HLCS: variants seen among roughly 807,000 people sequenced by gnomAD.
HLCS encodes holocarboxylase synthetase, also known as biotin--protein ligase.
In HLCS, 53 loss-of-function variants were observed where a neutral mutation model predicts 75.0. The observed-to-expected ratio is 0.71, with a 90% CI of 0.57 to 0.89. The LOEUF (loss-of-function observed/expected upper bound fraction) is 0.89, where lower values mean the gene tolerates loss of function less well. Among genes scored for constraint, HLCS ranks in the 40% least tolerant of loss-of-function variants. The pLI is 0.00. For synonymous variants in HLCS, 431 were observed against 428.6 expected, an observed-to-expected ratio of 1.01 and a Z score of -0.07; for missense variants, 966 against 1,074.0, an observed-to-expected ratio of 0.90 and a Z score of 1.41.
chr21:36,758,019 C>T (rs1004391492), intron 9 of HLCS, among the ~76,000 whole-genome samples: 1 of 152,174 alleles, frequency 6.6e-6, no homozygotes, highest in Admixed American at 6.5e-5. Flanking sequence ...AAGTCAGAGA[C>T]CCCATCCTAT....
intron 6 of HLCS, among the ~76,000 whole-genome samples, chr21:36,796,652 C>T (rs2061033652): frequency 6.6e-6 from 1 of 152,178 alleles, no homozygotes; most frequent in South Asian, 2.1e-4. Context: ...CTCTACCAAA[C>T]ATTATCGGGG....
intron 1 of HLCS, among the ~76,000 whole-genome samples, chr21:36,962,995 A>C (rs1258735526): frequency 6.6e-6 from 1 of 152,098 alleles, no homozygotes; most frequent in Non-Finnish European, 1.5e-5. Context: ...GAAGTGTGCA[A>C]GTCTCTGGAT....
intron 6 of HLCS, among the ~76,000 whole-genome samples, chr21:36,818,188 G>T (rs1435648521): frequency 2.0e-5 from 3 of 152,152 alleles, no homozygotes; most frequent in African/African-American, 4.8e-5. Context: ...TGAGGGGGGC[G>T]GCCAGAAGGA....
chr21:36,866,205 G>T (rs1462310580), intron 6 of HLCS, among the ~76,000 whole-genome samples: 1 of 42,138 alleles, frequency 2.4e-5, no homozygotes, highest in South Asian at 1.2e-3. Context: ...GGGCAGAGGT[G>T]GGGGAAGGGA....
At position 36,754,105 on chromosome 21, in the gene HLCS, C is replaced by T; in HGVS notation, c.*141G>A. 1 of 954,930 alleles carries T rather than the reference C, an allele frequency of 1.0e-6. No homozygotes were observed. The allele number at this position is 954,930 out of a possible 1,614,324, so 59.2% of individuals were successfully genotyped here. ...CCAAAGAAAACGACAACAAAACAAA[C>T]CTAAAAACAAACAGAAACACAGAAA... On this transcript the variant is annotated 3_prime_UTR_variant, in exon 11 of 11. Coordinates refer to ENST00000674895, the MANE Select transcript of HLCS (RefSeq NM_001352514.2).
intron 6 of HLCS, among the ~76,000 whole-genome samples, chr21:36,792,251 C>T (rs536056324): frequency 5.1e-4 from 77 of 152,184 alleles, no homozygotes; most frequent in Non-Finnish European, 9.0e-4. Flanking sequence ...GACCGTCAGC[C>T]TTTTCTTCTG....
At chr21:36,921,511 T>C (rs985994729) in intron 5 of HLCS, among the ~76,000 whole-genome samples, 1 of 152,218 alleles carries the variant, frequency 6.6e-6, no homozygotes, top group Non-Finnish European at 1.5e-5. Context: ...CCTTAATGCA[T>C]GTAGGAGGCA....
At chr21:36,846,593 TA>T (rs1381114333) in intron 6 of HLCS, among the ~76,000 whole-genome samples, 1 of 152,256 alleles carries the variant, frequency 6.6e-6, no homozygotes, top group African/African-American at 2.4e-5. Context: ...AAAAAAATTC[TA>T]AAAGAAGAAT....
intron 1 of HLCS, among the ~76,000 whole-genome samples, 190 bp from the exon 2 acceptor site, chr21:36,962,360 A>C (rs1256060695): frequency 6.6e-6 from 1 of 152,218 alleles, no homozygotes; most frequent in Non-Finnish European, 1.5e-5. Context: ...AGCACCTGCA[A>C]AAGCCCATCG....
chr21:36,896,944 T>C lies in HLCS; in HGVS notation c.1808A>G (p.Tyr603Cys), dbSNP rs781603756. ...FSSEHFNLEI[Y>C]RQNLQTKQLG... ...CTGCTTGGTCTGCAGATTTTGGCGA[T>C]AGATCTCTAAGTTGAAATGTTCTGA... The change falls in exon 6 of 11, where the codon TAT (tyrosine) becomes TGT (cysteine). Residue 603 changes from tyrosine to cysteine, a missense_variant. Physicochemically the swap from Tyr to Cys is radical, Grantham distance 194. Transcript: ENST00000674895. 17 of 1,614,070 alleles carry C rather than the reference T, an allele frequency of 1.1e-5. No homozygotes were observed. The highest frequency in any genetic ancestry group is 1.7e-5 in the Admixed American group (1 of 60,012).
intron 6 of HLCS, among the ~76,000 whole-genome samples, chr21:36,809,463 T>C (rs753058949): frequency 1.3e-5 from 2 of 152,264 alleles, no homozygotes; most frequent in Non-Finnish European, 2.9e-5. Context: ...TATGATCTTA[T>C]ATCTGTAAAT....
chr21:36,937,417 A>G, intron 3 of HLCS, 25 bp from the exon 4 acceptor site: 1 of 1,580,188 alleles, frequency 6.3e-7, no homozygotes, highest in Non-Finnish European at 8.7e-7. Context: ...GGAGAGAGAG[A>G]CAGAAAATTA....
At chr21:36,935,297 C>T (rs184852777) in intron 4 of HLCS, among the ~76,000 whole-genome samples, 3 of 152,338 alleles carry the variant, frequency 2.0e-5, no homozygotes, top group East Asian at 1.9e-4. Flanking sequence ...TTGGGCTGTA[C>T]GTGTTCATCT....
chr21:36,887,053 C>T (rs2064500539), intron 6 of HLCS, among the ~76,000 whole-genome samples: 1 of 151,976 alleles, frequency 6.6e-6, no homozygotes, highest in African/African-American at 2.4e-5. Flanking sequence ...TTGCTTGATC[C>T]CCGGAGACAG....
At chr21:36,982,069 G>GT (rs796354954) in intron 1 of HLCS, among the ~76,000 whole-genome samples, 1,917 of 149,032 alleles carry the variant, frequency 0.013, 19 homozygotes, top group Non-Finnish European at 0.017. Context: ...AGGTATGGTT[G>GT]TTTTTTTTTT....
intron 1 of HLCS, 24 bp downstream of exon 1, chr21:36,966,420 C>CGGCCGGGG: frequency 2.3e-6 from 1 of 441,964 alleles, no homozygotes; most frequent in Non-Finnish European, 3.0e-6. Flanking sequence ...GGGCCCGGGT[C>CGGCCGGGG]GCCCGCCCGC....
chr21:36,925,043 C>T (rs1217877062), intron 5 of HLCS, among the ~76,000 whole-genome samples: 3 of 152,106 alleles, frequency 2.0e-5, no homozygotes, highest in African/African-American at 7.2e-5. Flanking sequence ...GATATGTTTA[C>T]AAGTATCTAA....
intron 6 of HLCS, among the ~76,000 whole-genome samples, chr21:36,865,312 G>A (rs1307124559): frequency 6.6e-6 from 1 of 151,970 alleles, no homozygotes; most frequent in Non-Finnish European, 1.5e-5. Flanking sequence ...AGACTCCTGG[G>A]TCTCCTACTC....
chr21:36,862,897 C>T (rs1193714425), intron 6 of HLCS, among the ~76,000 whole-genome samples: 1 of 151,836 alleles, frequency 6.6e-6, no homozygotes, highest in Non-Finnish European at 1.5e-5. Flanking sequence ...TTCTTTCCAC[C>T]AAGCCATGTT....
Sources: allele counts gnomAD v4.1 joint callset (sites outside exome capture counted in the v4.1 genomes callset), GRCh38; gene constraint gnomAD v4.1.1; transcripts MANE v1.5; gene names NCBI Gene and HGNC (gene_info 2026-07-23, HGNC 2026-07-21).